ERC2: variants seen among roughly 807,000 people sequenced by gnomAD.
ERC2 encodes the protein ELKS/RAB6-interacting/CAST family member 2, also known as ERC protein 2.
Under a neutral mutation model 114.8 loss-of-function variants are expected in ERC2, and 42 were observed. The observed-to-expected ratio is 0.37, with a 90% confidence interval of 0.29 to 0.47. The LOEUF (loss-of-function observed/expected upper bound fraction) is 0.47, where lower values mean the gene tolerates loss of function less well. ERC2 is among the 20% of genes least tolerant of loss of function. ERC2 has a pLI of 0.99. For synonymous variants in ERC2, 454 were observed against 425.5 expected (o/e 1.07, Z -0.82); for missense variants, 939 against 1,150.7 (o/e 0.82, Z 2.66).
chr3:56,297,134 T>A (rs909952621), intron 2 of ERC2, among the ~76,000 whole-genome samples: 1 of 139,770 alleles, frequency 7.2e-6, no homozygotes, highest in African/African-American at 2.7e-5. Flanking sequence ...GAAAAAAAAA[T>A]GAAGCAAAAA....
chr3:55,906,526 A>G (rs1462666763), intron 13 of ERC2, among the ~76,000 whole-genome samples: 1 of 151,912 alleles, frequency 6.6e-6, no homozygotes, highest in Non-Finnish European at 1.5e-5. Flanking sequence ...CGTTCTCAGC[A>G]TCCTCCCATC....
chr3:55,519,636 T>C (rs2052765396), intron 17 of ERC2, among the ~76,000 whole-genome samples: 1 of 152,190 alleles, frequency 6.6e-6, no homozygotes. Flanking sequence ...CTTCCTTATA[T>C]TGATCTCTTC....
chr3:55,965,403 T>C (rs372245210), intron 12 of ERC2, among the ~76,000 whole-genome samples: 9 of 152,382 alleles, frequency 5.9e-5, no homozygotes, highest in East Asian at 1.9e-4. Flanking sequence ...TAGTCTCATG[T>C]GGCTAATGGC....
In ERC2 at chr3:56,177,258, G is replaced by A. The variant is rs887231912; in HGVS notation, c.1075-3738C>T. ...TTTGAATCACCAAAGTGATTTTAAC[G>A]TGTGATTGCTTGCCAAATTTTCTAA... On this transcript the variant is annotated intron_variant, in intron 3 of 17. Transcript: ENST00000288221. Among the ~76,000 whole-genome samples, 8 of 152,260 alleles carry A rather than the reference G, an allele frequency of 5.3e-5. No individual in the cohort carries two copies. In the East Asian group the frequency reaches 1.4e-3, roughly 26 times the overall value.
At chr3:56,334,307 G>A (rs934566118) in intron 2 of ERC2, among the ~76,000 whole-genome samples, 6 of 152,202 alleles carry the variant, frequency 3.9e-5, no homozygotes, top group East Asian at 1.9e-4. Context: ...ATCAGGCAAG[G>A]GCTGGAGAAG....
At chr3:55,896,927 A>T (rs1194856663) in intron 13 of ERC2, among the ~76,000 whole-genome samples, 1 of 152,226 alleles carries the variant, frequency 6.6e-6, no homozygotes, top group Non-Finnish European at 1.5e-5. Flanking sequence ...CTTTTAAAAT[A>T]GTTGTTACCA....
At chr3:55,723,381 T>A (rs539456911) in intron 15 of ERC2, among the ~76,000 whole-genome samples, 1 of 152,290 alleles carries the variant, frequency 6.6e-6, no homozygotes, top group East Asian at 1.9e-4. Context: ...TGATAAAAGA[T>A]GTATCTCTAT....
At chr3:56,308,116 T>C (rs2056339396) in intron 2 of ERC2, among the ~76,000 whole-genome samples, 1 of 152,154 alleles carries the variant, frequency 6.6e-6, no homozygotes, top group Non-Finnish European at 1.5e-5. Flanking sequence ...CACTCACTCA[T>C]CTGACAATAC....
At chr3:55,549,921 G>GAC (rs2055038184) in intron 17 of ERC2, among the ~76,000 whole-genome samples, 1 of 59,888 alleles carries the variant, frequency 1.7e-5, no homozygotes, top group African/African-American at 7.2e-5. Context: ...CCCCCTCCCC[G>GAC]ACACACACAA....
At position 56,286,621 on chromosome 3, in the gene ERC2, G is replaced by A. The variant is rs568549545; in HGVS notation, c.1074+9398C>T. On this transcript the variant is annotated intron_variant, in intron 3 of 17. Coordinates refer to ENST00000288221, the MANE Select transcript of ERC2 (RefSeq NM_015576.3). Reference sequence around the variant, plus strand: ...CTACTTACTTATTATCTAATTCAGGGGTCAGCACATTTAAAGAGGCAGATA... The same window carrying A: ...CTACTTACTTATTATCTAATTCAGGAGTCAGCACATTTAAAGAGGCAGATA... Among the ~76,000 whole-genome samples the A allele has an allele frequency of 1.2e-4, 18 of 151,892 alleles. No homozygotes were observed. In the South Asian group the frequency reaches 3.3e-3, roughly 28 times the overall value.
At chr3:56,436,237 T>A (rs1216412890) in intron 1 of ERC2, among the ~76,000 whole-genome samples, 1 of 152,170 alleles carries the variant, frequency 6.6e-6, no homozygotes, top group Non-Finnish European at 1.5e-5. Context: ...CTGAGTAACC[T>A]TAGACAAATT....
At position 55,671,924 on chromosome 3, in the gene ERC2, C is replaced by G. The variant is rs1181106930; in HGVS notation, c.*39+11870G>C. On this transcript the variant is annotated intron_variant, in intron 17 of 17. Transcript: ENST00000288221. ...CAAACGCTGTCTCTCTGGAGTGTGA[C>G]AGCTGACTGGAGGACCCTGGCCTAT... 3.9e-5 allele frequency among the ~76,000 whole-genome samples: 6 copies of G among 152,196 alleles called. No homozygotes were observed. In the South Asian group the frequency reaches 1.2e-3, roughly 32 times the overall value.
chr3:55,737,828 G>C (rs9835843), intron 14 of ERC2, among the ~76,000 whole-genome samples: 40,089 of 152,088 alleles, frequency 0.26, 6,645 homozygotes, highest in African/African-American at 0.45. Context: ...ATAGTGACTA[G>C]CTTTGAAAGA....
At chr3:56,349,429 A>T (rs144026436) in intron 2 of ERC2, among the ~76,000 whole-genome samples, 241 of 152,352 alleles carry the variant, frequency 1.6e-3, no homozygotes, top group African/African-American at 5.3e-3. Flanking sequence ...CTCTATAATT[A>T]CCAGATGTGA....
chr3:55,710,037 C>T (rs1489888250), intron 15 of ERC2, among the ~76,000 whole-genome samples: 1 of 152,088 alleles, frequency 6.6e-6, no homozygotes, highest in Non-Finnish European at 1.5e-5. Context: ...TTCCAAATAC[C>T]AACTCTCTGC....
chr3:56,120,309 C>T (rs2149854842), intron 6 of ERC2, among the ~76,000 whole-genome samples: 1 of 152,238 alleles, frequency 6.6e-6, no homozygotes, highest in Non-Finnish European at 1.5e-5. Context: ...TTTATGAAAC[C>T]CACTTGGACC....
intron 2 of ERC2, among the ~76,000 whole-genome samples, chr3:56,427,138 G>A (rs1179215057): frequency 6.6e-6 from 1 of 151,508 alleles, no homozygotes; most frequent in South Asian, 2.1e-4. Flanking sequence ...CTCCAGCCTG[G>A]GTCACACAGT....
At chr3:55,599,917 G>A (rs185959869) in intron 17 of ERC2, among the ~76,000 whole-genome samples, 6 of 152,066 alleles carry the variant, frequency 3.9e-5, no homozygotes, top group African/African-American at 7.2e-5. Context: ...AAATCATATC[G>A]CTCTCTGGGC....
intron 5 of ERC2, among the ~76,000 whole-genome samples, chr3:56,142,217 G>A (rs190391241): frequency 3.3e-5 from 5 of 152,182 alleles, no homozygotes; most frequent in East Asian, 1.9e-4. Flanking sequence ...TGCAGGAAAC[G>A]TCTAAAAAAC....
Sources: gnomAD v4.1 joint callset for allele counts (sites outside exome capture counted in the v4.1 genomes callset) on GRCh38, gnomAD v4.1.1 for gene constraint, MANE v1.5 for transcripts, NCBI Gene and HGNC (gene_info 2026-07-23, HGNC 2026-07-21) for gene names.